Variants in TNR observed in about 807,000 individuals in gnomAD.
TNR encodes the protein tenascin R, also known as tenascin-R.
In TNR, 45 loss-of-function variants were observed where a neutral mutation model predicts 150.4. The observed-to-expected ratio is 0.30, with a 90% confidence interval of 0.24 to 0.38. The LOEUF (loss-of-function observed/expected upper bound fraction) is 0.38. Ranked by LOEUF, TNR falls within the 10% of genes least tolerant of loss-of-function variation. The pLI is 1.00. For missense variants in TNR, 1,544 were observed against 1,759.1 expected, an observed-to-expected ratio of 0.88 and a Z score of 2.19; for synonymous variants, 687 against 678.4, an observed-to-expected ratio of 1.01 and a Z score of -0.20.
chr1:175,655,421 G>A (rs12046065), intron 1 of TNR, among the ~76,000 whole-genome samples: 102,992 of 152,068 alleles, frequency 0.68, 35,018 homozygotes, highest in East Asian at 0.74. Flanking sequence ...TCAGTCTGCA[G>A]ATAAGCTAAG....
chr1:175,742,662 G>T (rs1286193811), intron 1 of TNR, among the ~76,000 whole-genome samples: 1 of 152,150 alleles, frequency 6.6e-6, no homozygotes, highest in South Asian at 2.1e-4. Flanking sequence ...TAAAAGGTCA[G>T]GTTGGGCTCT....
At chr1:175,380,224 T>C (rs912699633) in intron 8 of TNR, among the ~76,000 whole-genome samples, 1 of 152,142 alleles carries the variant, frequency 6.6e-6, no homozygotes, top group Admixed American at 6.5e-5. Context: ...GTAAGACATA[T>C]ATGGAGGATG....
At chr1:175,507,361 T>G (rs1328442361) in intron 2 of TNR, among the ~76,000 whole-genome samples, 1 of 152,194 alleles carries the variant, frequency 6.6e-6, no homozygotes, top group Non-Finnish European at 1.5e-5. Flanking sequence ...TCTTCCCTCT[T>G]TCTGCCATCA....
intron 2 of TNR, among the ~76,000 whole-genome samples, chr1:175,466,008 G>A (rs778875499): frequency 5.3e-5 from 8 of 152,138 alleles, no homozygotes; most frequent in Admixed American, 1.3e-4. Flanking sequence ...CCTCCATTCT[G>A]CCTCTGGTCT....
At position 175,365,293 on chromosome 1, in the gene TNR, G is replaced by C; in HGVS notation, c.2318-14C>G. 6.3e-7 allele frequency: 1 copy of C among 1,586,650 alleles called. No individual in the cohort carries two copies. Among genetic ancestry groups the C allele is most frequent in the Non-Finnish European group, 8.6e-7 (1 of 1,163,950 alleles). On this transcript the variant is annotated splice_polypyrimidine_tract_variant and intron_variant, in intron 11 of 22. Coordinates refer to ENST00000367674, the MANE Select transcript of TNR (RefSeq NM_003285.3). ...TGGGACGGAAGCCTGCAAAGCAAAG[G>C]AGATGGATGGTCCTGAAACACGTGA...
intron 2 of TNR, among the ~76,000 whole-genome samples, chr1:175,443,858 C>A (rs1390727550): frequency 6.6e-6 from 1 of 152,100 alleles, no homozygotes; most frequent in Admixed American, 6.5e-5. Context: ...CTTCTAAAAC[C>A]TTCAGAAAAT....
chr1:175,400,897 A>T (rs1653677114), intron 4 of TNR, among the ~76,000 whole-genome samples: 1 of 152,190 alleles, frequency 6.6e-6, no homozygotes, highest in Admixed American at 6.5e-5. Flanking sequence ...TCTGGAAGAG[A>T]CCTGTAGCAC....
At chr1:175,603,576 A>G (rs931685305) in intron 1 of TNR, among the ~76,000 whole-genome samples, 1 of 152,242 alleles carries the variant, frequency 6.6e-6, no homozygotes, top group African/African-American at 2.4e-5. Flanking sequence ...TAAAAATCAC[A>G]TGGGTGAGGA....
chr1:175,595,478 G>C (rs1662972660), intron 1 of TNR, among the ~76,000 whole-genome samples: 1 of 152,174 alleles, frequency 6.6e-6, no homozygotes, highest in African/African-American at 2.4e-5. Flanking sequence ...AAATTGCCTT[G>C]TGGAAACATG....
At chr1:175,484,150 G>A (rs1657916068) in intron 2 of TNR, among the ~76,000 whole-genome samples, 2 of 152,192 alleles carry the variant, frequency 1.3e-5, no homozygotes, top group Admixed American at 6.5e-5. Flanking sequence ...TGGATAAAAG[G>A]TCACTTAACC....
intron 1 of TNR, among the ~76,000 whole-genome samples, chr1:175,602,203 CAAAAAAAAAAA>C (rs57341654): frequency 0.038 from 1,157 of 30,606 alleles, 21 homozygotes; most frequent in African/African-American, 0.1. Flanking sequence ...GGACCAAAGG[CAAAAAAAAAAA>C]AAAAAAAAAA....
chr1:175,635,102 G>C (rs531005102), intron 1 of TNR, among the ~76,000 whole-genome samples: 3 of 152,306 alleles, frequency 2.0e-5, no homozygotes, highest in South Asian at 4.1e-4. Flanking sequence ...GAAAACAAGA[G>C]GGCTGCTCCA....
At chr1:175,575,861 C>T (rs1662088186) in intron 1 of TNR, among the ~76,000 whole-genome samples, 1 of 152,158 alleles carries the variant, frequency 6.6e-6, no homozygotes, top group South Asian at 2.1e-4. Flanking sequence ...CTAAGTTGAA[C>T]CAAGCTGGAG....
At chr1:175,470,515 C>T (rs1037687953) in intron 2 of TNR, among the ~76,000 whole-genome samples, 1 of 151,898 alleles carries the variant, frequency 6.6e-6, no homozygotes, top group Non-Finnish European at 1.5e-5. Flanking sequence ...TAATTTTTAA[C>T]AATTTTTGTG....
chr1:175,362,597 C>A (rs899333113), intron 14 of TNR, 66 bp downstream of exon 14: 1 of 1,576,028 alleles, frequency 6.3e-7, no homozygotes, highest in African/African-American at 1.3e-5. Context: ...TTTCTACAAG[C>A]CCGAACAACT....
At position 175,599,999 on chromosome 1, in the gene TNR, C is replaced by T. The variant is rs1047774534; in HGVS notation, c.-164-71630G>A. 1.3e-5 allele frequency among the ~76,000 whole-genome samples: 2 copies of T among 152,192 alleles called. No homozygotes were observed. ...TGCAGGACTTCCATTCGACTGCACG[C>T]CTACTTATCCTGGCATTCTGCATGT... On this transcript the variant is annotated intron_variant, in intron 1 of 22. Coordinates refer to ENST00000367674, the MANE Select transcript of TNR (RefSeq NM_003285.3). This position sits in a 1 kb window ranked among gnomAD's most constrained non-coding sequence, Gnocchi z 4.7.
chr1:175,501,302 T>C (rs2102149545), intron 2 of TNR, among the ~76,000 whole-genome samples: 1 of 152,332 alleles, frequency 6.6e-6, no homozygotes, highest in East Asian at 1.9e-4. Context: ...GTAAATGGAC[T>C]ATGAATGTGA....
chr1:175,721,896 C>T (rs982913846), intron 1 of TNR, among the ~76,000 whole-genome samples: 1 of 148,882 alleles, frequency 6.7e-6, no homozygotes, highest in Non-Finnish European at 1.5e-5. Flanking sequence ...CTTCCCCTCT[C>T]TTGCAATCAC....
intron 1 of TNR, among the ~76,000 whole-genome samples, chr1:175,671,269 C>T (rs1665689298): frequency 6.6e-6 from 1 of 152,188 alleles, no homozygotes; most frequent in Admixed American, 6.5e-5. Flanking sequence ...GCCTACTGAA[C>T]TCCTCCTTTA....
Sources: gnomAD v4.1 joint callset for allele counts (sites outside exome capture counted in the v4.1 genomes callset) on GRCh38, gnomAD v4.1.1 for gene constraint, Gnocchi (gnomAD v3.1) non-coding constraint, MANE v1.5 for transcripts, NCBI Gene and HGNC (gene_info 2026-07-23, HGNC 2026-07-21) for gene names.